MARCHF1: variants seen among roughly 807,000 people sequenced by gnomAD.
MARCHF1 encodes the protein membrane associated ring-CH-type finger 1.
In MARCHF1, 40 loss-of-function variants were observed where a neutral mutation model predicts 54.2. That is an observed-to-expected ratio of 0.74 (90% CI 0.57 to 0.96). The LOEUF (loss-of-function observed/expected upper bound fraction) is 0.96, where lower values mean the gene tolerates loss of function less well. Ranked by LOEUF, MARCHF1 falls within the 40% of genes least tolerant of loss-of-function variation. The pLI is 0.00. For synonymous variants in MARCHF1, 236 were observed against 236.3 expected (o/e 1.00, Z 0.01); for missense variants, 586 against 656.5 (o/e 0.89, Z 1.17).
intron 3 of MARCHF1, among the ~76,000 whole-genome samples, chr4:163,952,571 G>C (rs1233841260): frequency 2.6e-5 from 4 of 152,174 alleles, no homozygotes; most frequent in Non-Finnish European, 4.4e-5. Flanking sequence ...GTGCTTATCT[G>C]TATTAATGAG....
intron 5 of MARCHF1, among the ~76,000 whole-genome samples, chr4:163,627,140 A>AT (rs1560982709): frequency 1.3e-5 from 2 of 152,156 alleles, no homozygotes; most frequent in African/African-American, 4.8e-5. Context: ...TAATTATACT[A>AT]TTATCTCATT....
At chr4:163,590,611 T>C (rs143892747) in intron 7 of MARCHF1, among the ~76,000 whole-genome samples, 3 of 152,270 alleles carry the variant, frequency 2.0e-5, no homozygotes, top group East Asian at 1.9e-4. Flanking sequence ...TCTTTTCATA[T>C]GAGCTTGTAC....
intron 1 of MARCHF1, among the ~76,000 whole-genome samples, chr4:164,161,524 A>AAAT (rs1339884167): frequency 2.8e-5 from 3 of 106,562 alleles, no homozygotes; most frequent in African/African-American, 8.5e-5. Context: ...TGTGATATCA[A>AAAT]AATCATCATC....
At chr4:163,763,207 CT>C (rs1746877839) in intron 4 of MARCHF1, among the ~76,000 whole-genome samples, 1 of 151,992 alleles carries the variant, frequency 6.6e-6, no homozygotes, top group South Asian at 2.1e-4. Flanking sequence ...AAGGGAGGCC[CT>C]AGCAAATCCC....
At chr4:163,561,866 T>C (rs765565184) in intron 8 of MARCHF1, among the ~76,000 whole-genome samples, 25 of 152,212 alleles carry the variant, frequency 1.6e-4, no homozygotes, top group Non-Finnish European at 3.4e-4. Flanking sequence ...CTTTTGGTTC[T>C]GTGCTCCACC....
Position 163,807,399 on chromosome 4 carries a change from T to G in MARCHF1, c.111+46622A>C, listed in dbSNP as rs549893909. 1.1e-3 allele frequency among the ~76,000 whole-genome samples: 174 copies of G among 152,304 alleles called. 2 individuals carry two copies. The Middle Eastern group carries it at 0.051, about 45-fold the overall frequency. ...GCTGTTTTGGAAGCAACTTAATACT[T>G]TTTCCGAAGAGGCTTTTACAATCTT... On this transcript the variant is annotated intron_variant, in intron 4 of 9. Transcript: ENST00000514618.
At chr4:163,865,464 T>C (rs1270256384) in intron 3 of MARCHF1, among the ~76,000 whole-genome samples, 1 of 151,872 alleles carries the variant, frequency 6.6e-6, no homozygotes, top group Non-Finnish European at 1.5e-5. Flanking sequence ...TTAAAAGCCA[T>C]TGGAATGATT....
chr4:163,577,024 A>G (rs1270139432), intron 8 of MARCHF1, among the ~76,000 whole-genome samples: 1 of 151,860 alleles, frequency 6.6e-6, no homozygotes, highest in Admixed American at 6.6e-5. Flanking sequence ...TTTAAATACA[A>G]CTTGCCTTTT....
intron 4 of MARCHF1, among the ~76,000 whole-genome samples, chr4:163,848,117 A>G (rs1286851923): frequency 6.6e-6 from 1 of 152,198 alleles, no homozygotes; most frequent in Non-Finnish European, 1.5e-5. Context: ...CTGCTTTGAA[A>G]AGTTGTATAT....
chr4:163,925,102 T>C (rs1751509887), intron 3 of MARCHF1, among the ~76,000 whole-genome samples: 1 of 151,890 alleles, frequency 6.6e-6, no homozygotes, highest in Non-Finnish European at 1.5e-5. Flanking sequence ...ATAAACTTCT[T>C]ATAGACCTTG....
chr4:163,809,906 A>G (rs1748336768), intron 4 of MARCHF1, among the ~76,000 whole-genome samples: 1 of 152,180 alleles, frequency 6.6e-6, no homozygotes. Context: ...ATCTTATACT[A>G]TAATCTTTCA....
At chr4:163,921,858 C>G (rs571203137) in intron 3 of MARCHF1, among the ~76,000 whole-genome samples, 1 of 152,010 alleles carries the variant, frequency 6.6e-6, no homozygotes, top group African/African-American at 2.4e-5. Context: ...TACCTCTATA[C>G]AGTATTAAAA....
At chr4:163,894,581 T>C (rs1750736875) in intron 3 of MARCHF1, among the ~76,000 whole-genome samples, 1 of 61,632 alleles carries the variant, frequency 1.6e-5, no homozygotes, top group East Asian at 8.7e-4. Context: ...ATGCATGTGA[T>C]GCATATATAT....
intron 1 of MARCHF1, among the ~76,000 whole-genome samples, chr4:164,372,626 A>T (rs959333017): frequency 2.0e-5 from 3 of 152,140 alleles, no homozygotes; most frequent in African/African-American, 7.2e-5. Flanking sequence ...TGTGTTTATT[A>T]TCCTACTATA....
intron 5 of MARCHF1, among the ~76,000 whole-genome samples, chr4:163,694,171 T>C (rs1019784809): frequency 6.6e-6 from 1 of 152,176 alleles, no homozygotes; most frequent in African/African-American, 2.4e-5. Context: ...CATGACAGGA[T>C]GAAATGAGTT....
chr4:164,098,605 G>A (rs1755466538), intron 2 of MARCHF1, among the ~76,000 whole-genome samples: 2 of 152,300 alleles, frequency 1.3e-5, no homozygotes, highest in Admixed American at 6.5e-5. Flanking sequence ...GTGTCACAAC[G>A]AAAGTGATAG....
chr4:163,903,550 T>C (rs568440199), intron 3 of MARCHF1, among the ~76,000 whole-genome samples: 21 of 152,292 alleles, frequency 1.4e-4, no homozygotes, highest in African/African-American at 4.6e-4. Flanking sequence ...GAATAACAAA[T>C]GTTTAATCTA....
intron 1 of MARCHF1, among the ~76,000 whole-genome samples, chr4:164,166,117 A>G (rs1730373902): frequency 2.0e-5 from 3 of 151,992 alleles, no homozygotes; most frequent in South Asian, 2.1e-4. Context: ...AATTTGGGAT[A>G]AGAAATTCAA....
At chr4:164,286,248 A>T (rs1472451113) in intron 1 of MARCHF1, among the ~76,000 whole-genome samples, 1 of 152,222 alleles carries the variant, frequency 6.6e-6, no homozygotes, top group African/African-American at 2.4e-5. Context: ...GGAGATCAGT[A>T]TACAACATTC....
Sources: gnomAD v4.1 joint callset for allele counts (sites outside exome capture counted in the v4.1 genomes callset) on GRCh38, gnomAD v4.1.1 for gene constraint, MANE v1.5 for transcripts, NCBI Gene and HGNC (gene_info 2026-07-23, HGNC 2026-07-21) for gene names.